BBS9: variants seen among roughly 807,000 people sequenced by gnomAD.
BBS9 encodes Bardet-Biedl syndrome 9, also known as protein PTHB1.
Under a neutral mutation model 117.7 loss-of-function variants are expected in BBS9, and 89 were observed. That is an observed-to-expected ratio of 0.76 (90% CI 0.64 to 0.90). The LOEUF is 0.90. Among genes scored for constraint, BBS9 ranks in the 40% least tolerant of loss-of-function variants. The pLI, the probability that BBS9 is intolerant of heterozygous loss-of-function variation, is 0.00. For synonymous variants in BBS9, 379 were observed against 370.9 expected (o/e 1.02, Z -0.25); for missense variants, 982 against 1,042.2 (o/e 0.94, Z 0.80).
intron 16 of BBS9, among the ~76,000 whole-genome samples, chr7:33,358,892 T>G (rs1478292032): frequency 1.3e-5 from 2 of 151,900 alleles, no homozygotes; most frequent in African/African-American, 4.8e-5. Flanking sequence ...CTACTTAAAG[T>G]GCTTAAAATT....
At chr7:33,582,597 A>G (rs1321197199) in intron 21 of BBS9, among the ~76,000 whole-genome samples, 1 of 152,014 alleles carries the variant, frequency 6.6e-6, no homozygotes, top group Non-Finnish European at 1.5e-5. Flanking sequence ...CATAGTTAAC[A>G]TTTCTGGACA....
At chr7:33,262,525 A>G (rs1798128234) in intron 6 of BBS9, among the ~76,000 whole-genome samples, 1 of 152,194 alleles carries the variant, frequency 6.6e-6, no homozygotes, top group Admixed American at 6.5e-5. Context: ...GGAGTTCAGA[A>G]TGTGAGGTCT....
intron 21 of BBS9, among the ~76,000 whole-genome samples, chr7:33,591,938 G>C (rs1861988368): frequency 6.6e-6 from 1 of 151,952 alleles, no homozygotes; most frequent in South Asian, 2.1e-4. Flanking sequence ...CAGAGGAGTG[G>C]TTATCTATGA....
chr7:33,445,205 A>G (rs1437978481), intron 19 of BBS9, among the ~76,000 whole-genome samples: 2 of 152,312 alleles, frequency 1.3e-5, no homozygotes, highest in East Asian at 1.9e-4. Context: ...CTGGGTTTTC[A>G]GGCCTTTAAG....
chr7:33,348,996 TA>T, intron 12 of BBS9, 71 bp from the exon 13 acceptor site: 1 of 1,058,816 alleles, frequency 9.4e-7, no homozygotes, highest in East Asian at 2.4e-5. Flanking sequence ...TAGTTATGTT[TA>T]AGTAGTTACG....
intron 21 of BBS9, among the ~76,000 whole-genome samples, chr7:33,632,743 G>C (rs1398330263): frequency 6.6e-6 from 1 of 152,058 alleles, no homozygotes; most frequent in Non-Finnish European, 1.5e-5. Context: ...CCGTGTGTTG[G>C]CTTTAATGTA....
At chr7:33,334,811 A>G (rs751012853) in intron 9 of BBS9, among the ~76,000 whole-genome samples, 1 of 152,244 alleles carries the variant, frequency 6.6e-6, no homozygotes, top group East Asian at 1.9e-4. Context: ...CAGGAGCAGC[A>G]TCAGAGCCAG....
At chr7:33,212,380 A>G (rs939556017) in intron 5 of BBS9, among the ~76,000 whole-genome samples, 2 of 152,022 alleles carry the variant, frequency 1.3e-5, no homozygotes, top group Non-Finnish European at 2.9e-5. Context: ...TTTCAGTTGT[A>G]TTTTTCAACT....
At chr7:33,509,624 C>T (rs74651298) in intron 20 of BBS9, among the ~76,000 whole-genome samples, 1,546 of 152,212 alleles carry the variant, frequency 0.01, 20 homozygotes, top group Middle Eastern at 0.092. Flanking sequence ...GGTCACATGT[C>T]CCCACAAGTA....
intron 19 of BBS9, among the ~76,000 whole-genome samples, chr7:33,440,121 C>G (rs1208285780): frequency 6.6e-6 from 1 of 152,118 alleles, no homozygotes; most frequent in Non-Finnish European, 1.5e-5. Context: ...CTTATGAAAA[C>G]TCTTGATCTT....
At chr7:33,550,810 A>G (rs1854301308) in intron 21 of BBS9, among the ~76,000 whole-genome samples, 1 of 152,226 alleles carries the variant, frequency 6.6e-6, no homozygotes, top group Admixed American at 6.5e-5. Context: ...AGAACATATG[A>G]ATATCCAATT....
Position 33,273,813 on chromosome 7 carries a change from T to A in BBS9, c.887-14T>A, listed in dbSNP as rs753050888. On this transcript the variant is annotated splice_polypyrimidine_tract_variant and intron_variant, in intron 8 of 22. Transcript: ENST00000242067. ...GTTTTCTTAGTGTCTCTTTTCTGTA[T>A]TTTCAACTTACAGTTTCTGAAGGAA... 1.2e-6 allele frequency: 2 copies of A among 1,604,640 alleles called. No individual in the cohort carries two copies.
chr7:33,624,564 A>G (rs760228909), intron 21 of BBS9, among the ~76,000 whole-genome samples: 1 of 152,218 alleles, frequency 6.6e-6, no homozygotes, highest in Non-Finnish European at 1.5e-5. Context: ...GCATAAAGTA[A>G]TTTGCTTCAC....
intron 21 of BBS9, among the ~76,000 whole-genome samples, chr7:33,633,493 G>A (rs1219468247): frequency 6.7e-6 from 1 of 148,880 alleles, no homozygotes; most frequent in Non-Finnish European, 1.5e-5. Flanking sequence ...GGTGAAGTTG[G>A]TAAAGTTAAC....
intron 9 of BBS9, among the ~76,000 whole-genome samples, chr7:33,311,384 A>G (rs1322660480): frequency 6.6e-6 from 1 of 152,184 alleles, no homozygotes; most frequent in Non-Finnish European, 1.5e-5. Flanking sequence ...TTTCTGAAAT[A>G]TTATCTAATT....
At chr7:33,375,105 T>C (rs1823602742) in intron 17 of BBS9, among the ~76,000 whole-genome samples, 4 of 152,098 alleles carry the variant, frequency 2.6e-5, no homozygotes, top group Admixed American at 1.3e-4. Flanking sequence ...TAAAGACTGA[T>C]GTGATGCATT....
In BBS9 at chr7:33,207,351, G is replaced by GT. The variant is rs1292380526; in HGVS notation, c.442+29761dup. Among the ~76,000 whole-genome samples the GT allele has an allele frequency of 5.3e-5, 8 of 152,234 alleles. No homozygotes were observed. In the South Asian group the frequency reaches 1.7e-3, roughly 32 times the overall value. On this transcript the variant is annotated intron_variant, in intron 5 of 22. Transcript: ENST00000242067. ...GTCAGTTGGTTCTCAATCTTCTACTGTAAGCAGTAGATCTTTCTTCTCCCC... is the reference window on the plus strand; with the variant it reads ...GTCAGTTGGTTCTCAATCTTCTACTGTTAAGCAGTAGATCTTTCTTCTCCCC...
At chr7:33,331,411 C>A (rs546699884) in intron 9 of BBS9, among the ~76,000 whole-genome samples, 1 of 152,158 alleles carries the variant, frequency 6.6e-6, no homozygotes, top group South Asian at 2.1e-4. Context: ...TACTGGAAGT[C>A]CTAGCCAGAG....
intron 19 of BBS9, 43 bp downstream of exon 19, chr7:33,388,187 T>C: frequency 1.9e-6 from 3 of 1,580,650 alleles, no homozygotes; most frequent in Non-Finnish European, 2.6e-6. Flanking sequence ...CTGGCTATAC[T>C]TTTTTTTGTC....
Sources: allele counts gnomAD v4.1 joint callset (sites outside exome capture counted in the v4.1 genomes callset), GRCh38; gene constraint gnomAD v4.1.1; transcripts MANE v1.5; gene names NCBI Gene and HGNC (gene_info 2026-07-23, HGNC 2026-07-21).